HEXD: variants seen among roughly 807,000 people sequenced by gnomAD.
HEXD encodes the protein N-acetyl-beta-galactosaminidase.
HEXD carries 47 observed loss-of-function variants against 54.2 expected under a neutral mutation model. The ratio of observed to expected loss-of-function variants is 0.87; its 90% confidence interval spans 0.69 to 1.11. The LOEUF is 1.11. HEXD is among the 50% of genes least tolerant of loss of function. The pLI, the probability that HEXD is intolerant of heterozygous loss-of-function variation, is 0.00. For missense variants in HEXD, 576 were observed against 649.2 expected (o/e 0.89, Z 1.23); for synonymous variants, 293 against 287.6 (o/e 1.02, Z -0.19).
At position 82,442,467 on chromosome 17, in the gene HEXD, G is replaced by T. The variant is rs563605433; in HGVS notation, c.*83G>T. The T allele has an allele frequency of 6.2e-7, 1 of 1,607,508 alleles. No individual in the cohort carries two copies. Among genetic ancestry groups the T allele is most frequent in the Non-Finnish European group, 8.5e-7 (1 of 1,175,380 alleles). The stretch of plus-strand genomic sequence containing the variant: ...AATGGCCTGGGCAATACGGGCCCAC[G>T]TGGGCGTCGTGCCCTCTGGCCCAGC... On this transcript the variant is annotated 3_prime_UTR_variant, in exon 13 of 13. Coordinates refer to ENST00000327949, the MANE Select transcript of HEXD (RefSeq NM_001330542.2). This position sits in a 1 kb window ranked among gnomAD's most constrained non-coding sequence, Gnocchi z 6.8.
chr17:82,440,077 G>C (rs933339097), intron 9 of HEXD: 4 of 1,295,288 alleles, frequency 3.1e-6, no homozygotes, highest in Non-Finnish European at 4.0e-6. Flanking sequence ...GCCCGGCCCT[G>C]GAAGGCCCCG....
At chr17:82,420,905 G>C (rs552827435) in intron 2 of HEXD, among the ~76,000 whole-genome samples, 2 of 152,262 alleles carry the variant, frequency 1.3e-5, no homozygotes, top group African/African-American at 4.8e-5. Context: ...AGCAGCCCTA[G>C]AAAACTAAGA....
intron 2 of HEXD, among the ~76,000 whole-genome samples, chr17:82,421,379 C>A (rs937377114): frequency 6.6e-6 from 1 of 152,152 alleles, no homozygotes; most frequent in African/African-American, 2.4e-5. Context: ...AGGGAAAGGT[C>A]CTGGGGAAAG....
chr17:82,430,621 T>G (rs1314862437), intron 4 of HEXD, among the ~76,000 whole-genome samples: 1 of 152,194 alleles, frequency 6.6e-6, no homozygotes, highest in Non-Finnish European at 1.5e-5. Context: ...ACTCCTGGCC[T>G]CAGGCGATCC....
intron 2 of HEXD, 133 bp from the exon 3 acceptor site, chr17:82,424,261 T>G (rs571741668): frequency 1.5e-6 from 1 of 677,262 alleles, no homozygotes; most frequent in East Asian, 2.5e-5. Flanking sequence ...GGATTTAAGG[T>G]TCCCAGGAGA....
chr17:82,439,955 C>T, intron 9 of HEXD: 1 of 1,498,492 alleles, frequency 6.7e-7, no homozygotes, highest in Non-Finnish European at 8.9e-7. Context: ...GGGAGGCACC[C>T]CTCAGACACA....
chr17:82,428,187 G>A (rs775405463), intron 3 of HEXD: 58 of 164,346 alleles, frequency 3.5e-4, no homozygotes, highest in Non-Finnish European at 7.3e-4. Flanking sequence ...GTTTCATCAT[G>A]TTGGCCAGGC....
chr17:82,433,998 G>A lies in HEXD; in HGVS notation c.447+176G>A, dbSNP rs372050534. ...GGCGGCCTGGCACGGGACAGCCTGC[G>A]GAGCCCGAGGGAGGCACCCTCGTGT... On this transcript the variant is annotated intron_variant, in intron 5 of 12. Transcript: ENST00000327949. Among the ~76,000 whole-genome samples, 102 of 151,018 alleles carry A rather than the reference G, an allele frequency of 6.8e-4. 1 individual carries two copies. In the East Asian group the frequency reaches 0.018, roughly 26 times the overall value.
chr17:82,440,350 A>G (rs1026448109), intron 9 of HEXD: 2 of 1,216,302 alleles, frequency 1.6e-6, no homozygotes, highest in African/African-American at 1.6e-5. Flanking sequence ...AGGACGCAGA[A>G]TGAGATCAGA....
intron 6 of HEXD, 56 bp from the exon 7 acceptor site, chr17:82,436,611 G>A: frequency 6.9e-7 from 1 of 1,456,024 alleles, no homozygotes; most frequent in African/African-American, 1.4e-5. Context: ...GTGGGTCCGA[G>A]GGGCTGAGAG....
At chr17:82,440,406 A>G in intron 9 of HEXD, 1 of 932,624 alleles carries the variant, frequency 1.1e-6, no homozygotes, top group South Asian at 1.7e-5. Flanking sequence ...AAGGGGCAGA[A>G]ACGATAAAAA....
chr17:82,439,732 C>T lies in HEXD; in HGVS notation c.982+19C>T. ...CTACGCGGTATGTCTGGTCTGGCCA[C>T]CCCAAGCCCCACCGGCCCCTCCCCG... On this transcript the variant is annotated intron_variant, in intron 9 of 12. Coordinates refer to ENST00000327949, the MANE Select transcript of HEXD (RefSeq NM_001330542.2). 1 of 1,599,176 alleles carries T rather than the reference C, an allele frequency of 6.3e-7. No homozygotes were observed. Among genetic ancestry groups the T allele is most frequent in the Non-Finnish European group, 8.5e-7 (1 of 1,179,696 alleles).
In HEXD at chr17:82,442,136, C is replaced by G. The variant is rs752522284; in HGVS notation, c.1254-41C>G. 2 of 1,574,614 alleles carry G rather than the reference C, an allele frequency of 1.3e-6. No homozygotes were observed. The highest frequency in any genetic ancestry group is 2.2e-5 in the South Asian group (2 of 88,922). ...TGACCATGGGGCTGAGGGCAAGTCCCAAGTGTGCAGACTGTGCGTTCATGG... is the reference window on the plus strand; with the variant it reads ...TGACCATGGGGCTGAGGGCAAGTCCGAAGTGTGCAGACTGTGCGTTCATGG... On this transcript the variant is annotated intron_variant, in intron 12 of 12. Transcript: ENST00000327949. This position sits in a 1 kb window ranked among gnomAD's most constrained non-coding sequence, Gnocchi z 6.8.
chr17:82,442,074 C>A lies in HEXD; in HGVS notation c.1254-103C>A. On this transcript the variant is annotated intron_variant, in intron 12 of 12. Coordinates refer to ENST00000327949, the MANE Select transcript of HEXD (RefSeq NM_001330542.2). This position sits in a 1 kb window ranked among gnomAD's most constrained non-coding sequence, Gnocchi z 6.8. ...CATGCCGATGAGGTAGGGTCAGTAGCCCCATTTCACAGGTGAACTGAGGCA... is the reference window on the plus strand; with the variant it reads ...CATGCCGATGAGGTAGGGTCAGTAGACCCATTTCACAGGTGAACTGAGGCA... The A allele has an allele frequency of 7.0e-7, 1 of 1,427,260 alleles. No individual in the cohort carries two copies. Among genetic ancestry groups the A allele is most frequent in the Non-Finnish European group, 9.6e-7 (1 of 1,043,708 alleles). The allele number at this position is 1,427,260 out of a possible 1,614,324, so 88.4% of individuals were successfully genotyped here. A position where few individuals can be genotyped will look rare whatever the true frequency, so the allele number is the denominator to read the frequency against.
At chr17:82,424,567 G>A in intron 3 of HEXD, 64 bp downstream of exon 3, 2 of 1,180,302 alleles carry the variant, frequency 1.7e-6, no homozygotes, top group East Asian at 2.3e-5. Context: ...GGTTCCGCAG[G>A]GCAGGAGGAG....
chr17:82,433,144 T>A (rs1197808421), intron 4 of HEXD, among the ~76,000 whole-genome samples: 25 of 69,874 alleles, frequency 3.6e-4, no homozygotes, highest in African/African-American at 1.6e-3. Context: ...TTTTTTTTTT[T>A]ATATATATAT....
chr17:82,432,922 C>T (rs563666828), intron 4 of HEXD, among the ~76,000 whole-genome samples: 62 of 146,870 alleles, frequency 4.2e-4, no homozygotes, highest in South Asian at 1.6e-3. Flanking sequence ...AAAAATTAGC[C>T]GGGCGTGGTG....
At position 82,442,305 on chromosome 17, in the gene HEXD, T is replaced by C; in HGVS notation, c.1382T>C (p.Leu461Pro). The change falls in exon 13 of 13, where the codon CTG becomes CCG. Residue 461 changes from leucine to proline, a missense_variant. Transcript: ENST00000327949. The surrounding 1 kb of genome is among the most constrained non-coding windows in gnomAD (Gnocchi z 6.8). ...CCCAGCCTGCAGCGGCTGCAAGCTC[T>C]GCTGCAGGACCTCAGCGAGGTGTCT... ...VHPSLQRLQA[L>P]LQDLSEVSAP... is the part of the protein sequence containing the mutation. 1 of 1,609,648 alleles carries C rather than the reference T, an allele frequency of 6.2e-7. No individual in the cohort carries two copies. Among genetic ancestry groups the C allele is most frequent in the Non-Finnish European group, 8.5e-7 (1 of 1,179,920 alleles).
At chr17:82,435,059 C>A (rs2053719774) in intron 5 of HEXD, among the ~76,000 whole-genome samples, 1 of 152,104 alleles carries the variant, frequency 6.6e-6, no homozygotes, top group South Asian at 2.1e-4. Context: ...GCAGGAGAAT[C>A]ACTTGAACCC....
Sources: gnomAD v4.1 joint callset for allele counts (sites outside exome capture counted in the v4.1 genomes callset) on GRCh38, gnomAD v4.1.1 for gene constraint, Gnocchi (gnomAD v3.1) non-coding constraint, MANE v1.5 for transcripts, NCBI Gene and HGNC (gene_info 2026-07-23, HGNC 2026-07-21) for gene names.